The following SS18L1 variants were observed in gnomAD, a reference collection of about 807,000 sequenced individuals.
SS18L1 encodes calcium-responsive transactivator.
In SS18L1, 32 loss-of-function variants were observed where a neutral mutation model predicts 70.3. The ratio of observed to expected loss-of-function variants is 0.46; its 90% CI spans 0.34 to 0.61. SS18L1 has a LOEUF of 0.61. SS18L1 is among the 20% of genes least tolerant of loss of function. The pLI is 0.01. For synonymous variants in SS18L1, 237 were observed against 229.7 expected (o/e 1.03, Z -0.29); for missense variants, 430 against 542.1 (o/e 0.79, Z 2.05).
At chr20:62,154,943 C>T (rs753306333) in intron 1 of SS18L1, among the ~76,000 whole-genome samples, 1 of 152,172 alleles carries the variant, frequency 6.6e-6, no homozygotes, top group Non-Finnish European at 1.5e-5. Flanking sequence ...TATCCCGCCC[C>T]TCTGTTGAAT....
Position 62,174,573 on chromosome 20 carries a change from C to G in SS18L1, c.1093C>G (p.Gln365Glu). 6.2e-7 allele frequency: 1 copy of G among 1,613,944 alleles called. No homozygotes were observed. The highest frequency in any genetic ancestry group is 8.5e-7 in the Non-Finnish European group (1 of 1,180,030). The change falls in exon 10 of 11, where the codon CAG becomes GAG. Residue 365 changes from glutamine (Q) to glutamate (E), a missense_variant. Physicochemically the swap from Gln to Glu is conservative, Grantham distance 29 (BLOSUM62 2). Coordinates refer to ENST00000331758, the MANE Select transcript of SS18L1 (RefSeq NM_198935.3). This position sits in a 1 kb window ranked among gnomAD's most constrained non-coding sequence, Gnocchi z 4.1. ...CGGCTACCAGCAAGGCCAAGGCCAGCAGTACGGAAGCTACCGAGCACCGCA... is the reference window on the plus strand; with the variant it reads ...CGGCTACCAGCAAGGCCAAGGCCAGGAGTACGGAAGCTACCGAGCACCGCA... The part of the protein sequence containing the change: ...YPGYQQGQGQ[Q>E]YGSYRAPQTA...
Position 62,159,828 on chromosome 20 carries a change from G to T in SS18L1, c.147-49G>T. On this transcript the variant is annotated intron_variant, in intron 2 of 10. Transcript: ENST00000331758. This position sits in a 1 kb window ranked among gnomAD's most constrained non-coding sequence, Gnocchi z 4.4. ...TACTTCTGCCTTGGATCCACGTGGG[G>T]ACTCTGTGGTCCCGTCGTCCTGCCT... is the stretch of plus-strand genomic sequence containing the variant. The T allele has an allele frequency of 6.3e-7, 1 of 1,578,010 alleles. No homozygotes were observed.
At chr20:62,168,281 A>G (rs891725795) in intron 8 of SS18L1, among the ~76,000 whole-genome samples, 1 of 151,862 alleles carries the variant, frequency 6.6e-6, no homozygotes, top group African/African-American at 2.4e-5. Flanking sequence ...TGTTTGTTAG[A>G]CTCTGACATG....
intron 10 of SS18L1, among the ~76,000 whole-genome samples, chr20:62,175,888 A>G (rs1201551912): frequency 6.6e-6 from 1 of 152,102 alleles, no homozygotes; most frequent in Non-Finnish European, 1.5e-5. Context: ...ATTTACACAG[A>G]TGTCAGGAGG....
At chr20:62,156,627 C>CTCTG (rs1156294562) in intron 1 of SS18L1, among the ~76,000 whole-genome samples, 5 of 152,264 alleles carry the variant, frequency 3.3e-5, no homozygotes, top group African/African-American at 4.8e-5. Context: ...TGGGTCCGGG[C>CTCTG]TCTGCCCTGT....
At chr20:62,149,026 G>A (rs969913530) in intron 1 of SS18L1, among the ~76,000 whole-genome samples, 18 of 152,220 alleles carry the variant, frequency 1.2e-4, no homozygotes, top group African/African-American at 4.3e-4. Context: ...TGCTCTCCTC[G>A]AGGCTCCGGC....
chr20:62,174,165 C>T lies in SS18L1; in HGVS notation c.1037-352C>T, dbSNP rs1354536503. Reference sequence around the variant, plus strand: ...TGACAAGTTACAGCAGCCAGTGTGACTGGGGCCAGCGGGTTCTGGAGGGCT... The same window carrying T: ...TGACAAGTTACAGCAGCCAGTGTGATTGGGGCCAGCGGGTTCTGGAGGGCT... On this transcript the variant is annotated intron_variant, in intron 9 of 10. Transcript: ENST00000331758. This position sits in a 1 kb window ranked among gnomAD's most constrained non-coding sequence, Gnocchi z 4.1. Among the ~76,000 whole-genome samples, 1 of 152,126 alleles carries T rather than the reference C, an allele frequency of 6.6e-6. No homozygotes were observed. The highest frequency in any genetic ancestry group is 1.9e-4 in the East Asian group (1 of 5,182).
intron 1 of SS18L1, among the ~76,000 whole-genome samples, chr20:62,150,854 G>A (rs2057117203): frequency 6.6e-6 from 1 of 151,942 alleles, no homozygotes. Flanking sequence ...GTTATCAGGT[G>A]TGTGCAGAGT....
intron 7 of SS18L1, 125 bp downstream of exon 7, chr20:62,164,371 G>A (rs1366503417): frequency 2.8e-6 from 3 of 1,053,820 alleles, no homozygotes; most frequent in African/African-American, 1.6e-5. Flanking sequence ...GCTCAGGCCT[G>A]GGCTACAGGC....
At chr20:62,160,083 C>A in intron 3 of SS18L1, 122 bp downstream of exon 3, 2 of 971,710 alleles carry the variant, frequency 2.1e-6, no homozygotes, top group Non-Finnish European at 3.0e-6. Context: ...AAAAATACCA[C>A]TAGAGCCACC....
At chr20:62,173,409 T>C (rs960804466) in intron 9 of SS18L1, among the ~76,000 whole-genome samples, 2 of 152,242 alleles carry the variant, frequency 1.3e-5, no homozygotes, top group African/African-American at 4.8e-5. Flanking sequence ...ACTAATTAAA[T>C]AGTATAAAAA....
chr20:62,158,560 C>A lies in SS18L1; in HGVS notation c.70-112C>A. On this transcript the variant is annotated intron_variant, in intron 1 of 10. Transcript: ENST00000331758. The surrounding 1 kb of genome is among the most constrained non-coding windows in gnomAD (Gnocchi z 4.5). ...GAAAAATCTGAAATCTGACACGTTT[C>A]ACGTAAGGGACGCTCAACCTATATG... 6.8e-7 allele frequency: 1 copy of A among 1,476,784 alleles called. No homozygotes were observed. The highest frequency in any genetic ancestry group is 1.2e-5 in the South Asian group (1 of 81,016). 91.5% of individuals were successfully genotyped at this position (1,476,784 alleles called of 1,614,324 possible). A position where few individuals can be genotyped will look rare whatever the true frequency, so the allele number is the denominator to read the frequency against.
At chr20:62,163,052 G>A (rs2057360523) in intron 5 of SS18L1, 121 bp downstream of exon 5, 4 of 1,357,978 alleles carry the variant, frequency 2.9e-6, no homozygotes, top group East Asian at 5.0e-5. Context: ...GGAGGGGAGG[G>A]GCCCGTGAAT....
intron 1 of SS18L1, among the ~76,000 whole-genome samples, chr20:62,145,670 G>C (rs933350671): frequency 3.9e-5 from 6 of 152,196 alleles, no homozygotes; most frequent in Non-Finnish European, 8.8e-5. Flanking sequence ...GTGGACCGTG[G>C]GTCCCTGGGC....
chr20:62,168,540 G>A (rs1318432499), intron 8 of SS18L1, among the ~76,000 whole-genome samples: 1 of 151,994 alleles, frequency 6.6e-6, no homozygotes, highest in Non-Finnish European at 1.5e-5. Context: ...CCAGCATCAG[G>A]CCAGGTGCAG....
intron 1 of SS18L1, among the ~76,000 whole-genome samples, chr20:62,151,268 G>A (rs921227836): frequency 2.6e-5 from 4 of 152,194 alleles, no homozygotes; most frequent in African/African-American, 9.7e-5. Context: ...CCACGGTGGG[G>A]CTTCAGCAGC....
intron 9 of SS18L1, among the ~76,000 whole-genome samples, chr20:62,173,707 CAAAAAATA>C (rs1336584076): frequency 6.6e-6 from 1 of 150,946 alleles, no homozygotes; most frequent in East Asian, 2.0e-4. Context: ...GACGACTCCT[CAAAAAATA>C]AAAAAATAAA....
intron 10 of SS18L1, among the ~76,000 whole-genome samples, chr20:62,176,751 C>G (rs2145791702): frequency 6.6e-6 from 1 of 151,586 alleles, no homozygotes; most frequent in South Asian, 2.1e-4. Flanking sequence ...GAGTTGAGAT[C>G]ACGCCACTGC....
intron 8 of SS18L1, among the ~76,000 whole-genome samples, chr20:62,171,026 C>A (rs1351209557): frequency 6.6e-6 from 1 of 152,070 alleles, no homozygotes; most frequent in Non-Finnish European, 1.5e-5. Flanking sequence ...CTCAGCCTCC[C>A]GAGTAGCTGG....
Sources: gnomAD v4.1 joint callset for allele counts (sites outside exome capture counted in the v4.1 genomes callset) on GRCh38, gnomAD v4.1.1 for gene constraint, Gnocchi (gnomAD v3.1) non-coding constraint, MANE v1.5 for transcripts, NCBI Gene and HGNC (gene_info 2026-07-23, HGNC 2026-07-21) for gene names.